Variants in FARS2 observed in about 807,000 individuals in gnomAD.
FARS2 encodes the protein phenylalanyl-tRNA synthetase 2, mitochondrial, also known as phenylalanine--tRNA ligase, mitochondrial.
Under a neutral mutation model 46.4 loss-of-function variants are expected in FARS2, and 40 were observed. The ratio of observed to expected loss-of-function variants is 0.86; its 90% CI spans 0.67 to 1.12. The LOEUF (loss-of-function observed/expected upper bound fraction) is 1.12. Among genes scored for constraint, FARS2 ranks in the 50% most tolerant of loss-of-function variants. The pLI is 0.00. For missense variants in FARS2, 513 were observed against 567.9 expected (o/e 0.90, Z 0.98); for synonymous variants, 234 against 214.9 (o/e 1.09, Z -0.78).
chr6:5,291,313 G>A (rs1767489007), intron 1 of FARS2: 1 of 152,162 alleles, frequency 6.6e-6, no homozygotes, highest in South Asian at 2.1e-4. Context: ...TTAGTAGGAT[G>A]CTGATTTTGA....
chr6:5,279,678 C>T (rs1484122564), intron 1 of FARS2, among the ~76,000 whole-genome samples: 4 of 151,640 alleles, frequency 2.6e-5, no homozygotes, highest in Non-Finnish European at 5.9e-5. Context: ...AGTTCAGTAC[C>T]GAAGACCTGA....
At chr6:5,499,099 TG>T (rs1767642618) in intron 4 of FARS2, among the ~76,000 whole-genome samples, 1 of 152,196 alleles carries the variant, frequency 6.6e-6, no homozygotes, top group Non-Finnish European at 1.5e-5. Context: ...GGTTTCACCA[TG>T]TTGGCCAGGC....
intron 6 of FARS2, among the ~76,000 whole-genome samples, chr6:5,661,104 G>A (rs1229839250): frequency 2.0e-5 from 3 of 152,216 alleles, no homozygotes; most frequent in African/African-American, 7.2e-5. Flanking sequence ...AGGGGATAGA[G>A]ATAACTCAGC....
At chr6:5,532,098 A>G (rs920651557) in intron 4 of FARS2, among the ~76,000 whole-genome samples, 6 of 152,218 alleles carry the variant, frequency 3.9e-5, no homozygotes, top group Non-Finnish European at 8.8e-5. Context: ...CTGTTATGTG[A>G]GCACCTACCT....
intron 6 of FARS2, among the ~76,000 whole-genome samples, chr6:5,746,434 C>G (rs1423904172): frequency 6.6e-6 from 1 of 152,210 alleles, no homozygotes; most frequent in Non-Finnish European, 1.5e-5. Context: ...ATCCAGACAG[C>G]AGCATTCTGT....
At position 5,369,119 on chromosome 6, in the gene FARS2, C is replaced by T. The variant is rs776506015; in HGVS notation, c.549C>T (p.Ile183=). The T allele has an allele frequency of 8.1e-6, 13 of 1,612,948 alleles. No individual in the cohort carries two copies. In the East Asian group the frequency reaches 8.9e-5, roughly 11 times the overall value. The part of the protein sequence containing the change: ...VVGDVYRRDQ[I]DSQHYPIFHQ... ...GTGATGTCTACAGGCGTGACCAGAT[C>T]GACTCCCAGCACTACCCTATTTTCC... The change falls in exon 2 of 7, where the codon ATC becomes ATT. Residue 183 remains isoleucine, a synonymous_variant. Coordinates refer to ENST00000274680, the MANE Select transcript of FARS2 (RefSeq NM_006567.5).
chr6:5,537,450 C>T (rs973655390), intron 4 of FARS2, among the ~76,000 whole-genome samples: 25 of 137,208 alleles, frequency 1.8e-4, no homozygotes, highest in Non-Finnish European at 2.6e-4. Flanking sequence ...GGAGATGTCC[C>T]GGGCCTCCTC....
rs577925588 is a variant in FARS2, at chr6:5,762,587, G to A, written c.1218-8704G>A. 3.5e-4 allele frequency among the ~76,000 whole-genome samples: 54 copies of A among 152,324 alleles called. No homozygotes were observed. In the South Asian group the frequency reaches 7.7e-3, roughly 22 times the overall value. On this transcript the variant is annotated intron_variant, in intron 6 of 6. Coordinates refer to ENST00000274680, the MANE Select transcript of FARS2 (RefSeq NM_006567.5). The stretch of plus-strand genomic sequence containing the variant: ...TTTGAAACATCCCTGAGGACTTGGC[G>A]AGTATTTGATGTTAAAAAGCATTTC...
chr6:5,728,345 T>C (rs1277393335), intron 6 of FARS2, among the ~76,000 whole-genome samples: 1 of 152,190 alleles, frequency 6.6e-6, no homozygotes, highest in South Asian at 2.1e-4. Flanking sequence ...AGGGGGATTA[T>C]GGATTTTGGA....
At chr6:5,529,946 C>A (rs1193466253) in intron 4 of FARS2, among the ~76,000 whole-genome samples, 2 of 152,230 alleles carry the variant, frequency 1.3e-5, no homozygotes, top group African/African-American at 4.8e-5. Flanking sequence ...AGGCAGCCAA[C>A]ACCAGACATG....
intron 6 of FARS2, among the ~76,000 whole-genome samples, chr6:5,733,328 A>G (rs568726122): frequency 3.9e-5 from 6 of 152,338 alleles, no homozygotes; most frequent in Admixed American, 3.3e-4. Context: ...TTCGTTTTCA[A>G]CAGAGGAAAT....
At chr6:5,338,279 C>T (rs1162796422) in intron 1 of FARS2, among the ~76,000 whole-genome samples, 1 of 152,166 alleles carries the variant, frequency 6.6e-6, no homozygotes, top group Non-Finnish European at 1.5e-5. Flanking sequence ...CTAACTTGCT[C>T]TCACGATGTG....
chr6:5,757,355 A>G (rs1273859289), intron 6 of FARS2, among the ~76,000 whole-genome samples: 1 of 152,058 alleles, frequency 6.6e-6, no homozygotes, highest in African/African-American at 2.4e-5. Context: ...AATTTTTCCT[A>G]ACTGAGGGAG....
intron 1 of FARS2, among the ~76,000 whole-genome samples, chr6:5,328,903 C>A (rs1399888599): frequency 6.6e-6 from 1 of 152,052 alleles, no homozygotes; most frequent in African/African-American, 2.4e-5. Flanking sequence ...TGCCAAAGAG[C>A]TCGTTTTTCA....
intron 3 of FARS2, among the ~76,000 whole-genome samples, chr6:5,406,233 T>A (rs948743376): frequency 1.3e-5 from 2 of 152,154 alleles, no homozygotes. Flanking sequence ...GAGGTGTAAT[T>A]AACATAAAGT....
intron 6 of FARS2, among the ~76,000 whole-genome samples, chr6:5,721,519 A>T (rs1047964201): frequency 4.6e-5 from 7 of 152,080 alleles, no homozygotes; most frequent in Non-Finnish European, 1.0e-4. Flanking sequence ...TGAATGGATC[A>T]TTCACTCTTT....
At chr6:5,735,690 G>A (rs17141215) in intron 6 of FARS2, among the ~76,000 whole-genome samples, 7,069 of 152,278 alleles carry the variant, frequency 0.046, 522 homozygotes, top group African/African-American at 0.16. Context: ...AAAGGCCTTT[G>A]TGAAGCTCCG....
intron 4 of FARS2, among the ~76,000 whole-genome samples, chr6:5,508,062 A>G (rs182832584): frequency 1.6e-4 from 25 of 152,372 alleles, no homozygotes; most frequent in African/African-American, 5.3e-4. Context: ...ATGTTTCACA[A>G]TAAGTTATTA....
chr6:5,581,220 A>G (rs768713546), intron 5 of FARS2, among the ~76,000 whole-genome samples: 1 of 152,244 alleles, frequency 6.6e-6, no homozygotes, highest in African/African-American at 2.4e-5. Flanking sequence ...CACCGAGTGC[A>G]GCTGAGGAGA....
Sources: allele counts gnomAD v4.1 joint callset (sites outside exome capture counted in the v4.1 genomes callset), GRCh38; gene constraint gnomAD v4.1.1; transcripts MANE v1.5; gene names NCBI Gene and HGNC (gene_info 2026-07-23, HGNC 2026-07-21).